Variants in SPTBN1 observed in about 807,000 individuals in gnomAD.
SPTBN1 encodes spectrin beta chain, non-erythrocytic 1.
A neutral mutation model predicts 266.4 loss-of-function variants in SPTBN1; 32 were observed. The ratio of observed to expected loss-of-function variants is 0.12; its 90% CI spans 0.09 to 0.16. SPTBN1 has a LOEUF of 0.16. Among genes scored for constraint, SPTBN1 ranks in the 10% least tolerant of loss-of-function variants. The pLI is 1.00. For missense variants in SPTBN1, 2,296 were observed against 3,067.1 expected, an observed-to-expected ratio of 0.75 and a Z score of 5.94; for synonymous variants, 1,336 against 1,162.2, an observed-to-expected ratio of 1.15 and a Z score of -3.04.
At chr2:54,634,640 C>T (rs1054003408) in intron 17 of SPTBN1, among the ~76,000 whole-genome samples, 6 of 152,172 alleles carry the variant, frequency 3.9e-5, no homozygotes, top group Admixed American at 2.6e-4. Flanking sequence ...CTGTGAGTTC[C>T]AGGTGCTGTA....
chr2:54,555,384 C>T (rs990039176), intron 2 of SPTBN1, among the ~76,000 whole-genome samples: 4 of 152,306 alleles, frequency 2.6e-5, no homozygotes, highest in African/African-American at 9.6e-5. Flanking sequence ...TCCCCTGCAC[C>T]CCTCTAGCCA....
At position 54,628,600 on chromosome 2, in the gene SPTBN1, G is replaced by A. The variant is rs1558444080; in HGVS notation, c.1799-333G>A. On this transcript the variant is annotated intron_variant, in intron 13 of 35. Coordinates refer to ENST00000356805, the MANE Select transcript of SPTBN1 (RefSeq NM_003128.3). The surrounding 1 kb of genome is among the most constrained non-coding windows in gnomAD (Gnocchi z 4.3). The stretch of plus-strand genomic sequence containing the variant: ...CTGGTTGCATATACCTCTCTTTGGA[G>A]GATGTTTAGAATGATTTGGTTATGC... 6.6e-6 allele frequency among the ~76,000 whole-genome samples: 1 copy of A among 152,190 alleles called. No homozygotes were observed. Among genetic ancestry groups the A allele is most frequent in the Non-Finnish European group, 1.5e-5 (1 of 68,036 alleles).
At chr2:54,575,739 G>C (rs1573449447) in intron 2 of SPTBN1, among the ~76,000 whole-genome samples, 1 of 152,232 alleles carries the variant, frequency 6.6e-6, no homozygotes, top group Non-Finnish European at 1.5e-5. Context: ...CAGTGACTCA[G>C]TGGCGTGAAG....
chr2:54,461,872 T>G (rs939427177), intron 1 of SPTBN1, among the ~76,000 whole-genome samples: 6 of 152,256 alleles, frequency 3.9e-5, no homozygotes, highest in African/African-American at 1.4e-4. Flanking sequence ...CTCGAATTTG[T>G]GATTTCTTTT....
At chr2:54,618,663 A>G (rs1281354392) in intron 7 of SPTBN1, among the ~76,000 whole-genome samples, 1 of 152,218 alleles carries the variant, frequency 6.6e-6, no homozygotes, top group Admixed American at 6.5e-5. Flanking sequence ...GTTGGCTGAC[A>G]TTTATCTGAA....
intron 2 of SPTBN1, among the ~76,000 whole-genome samples, chr2:54,536,130 G>A (rs965742442): frequency 3.8e-4 from 58 of 152,310 alleles, no homozygotes; most frequent in African/African-American, 1.1e-3. Flanking sequence ...GGTTCTATTT[G>A]TTGCCGTTAT....
intron 2 of SPTBN1, among the ~76,000 whole-genome samples, chr2:54,574,225 G>A (rs1264524254): frequency 6.6e-6 from 1 of 152,018 alleles, no homozygotes; most frequent in Non-Finnish European, 1.5e-5. Context: ...ATAGGGTCAG[G>A]CGTTATCTCT....
At chr2:54,562,533 C>CTTTTTTTTCTTTTTT (rs1673377142) in intron 2 of SPTBN1, among the ~76,000 whole-genome samples, 2 of 126,828 alleles carry the variant, frequency 1.6e-5, no homozygotes, top group African/African-American at 3.2e-5. Context: ...TTTTCTTTTT[C>CTTTTTTTTCTTTTTT]TTTTTTTTTT....
chr2:54,557,978 A>G (rs1672991096), intron 2 of SPTBN1: 1 of 982,786 alleles, frequency 1.0e-6, no homozygotes, highest in Non-Finnish European at 1.2e-6. Context: ...TTACCTCAGC[A>G]GACGCTAGAG....
Position 54,621,380 on chromosome 2 carries a change from G to C in SPTBN1, c.764-20G>C. The stretch of plus-strand genomic sequence containing the variant: ...ACAGTAGCATGCAACACACTGAACA[G>C]AGTCTTCTCTGGGTTACAGACATCA... On this transcript the variant is annotated intron_variant, in intron 7 of 35. Transcript: ENST00000356805. The C allele has an allele frequency of 6.3e-7, 1 of 1,598,410 alleles. No homozygotes were observed. The highest frequency in any genetic ancestry group is 8.6e-7 in the Non-Finnish European group (1 of 1,166,496).
chr2:54,456,994 G>T (rs1296202511), intron 1 of SPTBN1, among the ~76,000 whole-genome samples: 1 of 151,732 alleles, frequency 6.6e-6, no homozygotes, highest in Non-Finnish European at 1.5e-5. Context: ...CGCGGGTGGG[G>T]AGCGGGGGCG....
intron 18 of SPTBN1, among the ~76,000 whole-genome samples, chr2:54,640,507 T>C (rs1355579241): frequency 1.3e-5 from 2 of 152,208 alleles, no homozygotes; most frequent in Non-Finnish European, 2.9e-5. Context: ...TATTCCCAGT[T>C]ACAGTGGAAA....
At chr2:54,557,880 G>A in intron 2 of SPTBN1, 1 of 985,426 alleles carries the variant, frequency 1.0e-6, no homozygotes, top group Non-Finnish European at 1.2e-6. Flanking sequence ...GACTTTGTCT[G>A]ACTTCTTCCC....
intron 1 of SPTBN1, among the ~76,000 whole-genome samples, chr2:54,510,951 A>G (rs952416054): frequency 6.6e-6 from 1 of 152,232 alleles, no homozygotes; most frequent in African/African-American, 2.4e-5. Context: ...AGTTTGAATT[A>G]CAAGCCCATG....
Position 54,630,032 on chromosome 2 carries a change from G to A in SPTBN1, c.2807+3G>A. 1 of 1,613,094 alleles carries A rather than the reference G, an allele frequency of 6.2e-7. No homozygotes were observed. The highest frequency in any genetic ancestry group is 8.5e-7 in the Non-Finnish European group (1 of 1,179,568). On this transcript the variant is annotated splice_donor_region_variant and intron_variant, in intron 15 of 35. Transcript: ENST00000356805. ...CAGCAGGACAAACTCAACACAAGGT[G>A]AGCACGTGGCCAGCAGTGTGCCAGC...
chr2:54,545,620 C>G (rs964774841), intron 2 of SPTBN1: 4 of 152,070 alleles, frequency 2.6e-5, no homozygotes, highest in Admixed American at 1.3e-4. Context: ...ATGGCATATA[C>G]AAAAATGGAT....
intron 1 of SPTBN1, among the ~76,000 whole-genome samples, chr2:54,459,750 G>A (rs1209900320): frequency 3.9e-5 from 6 of 152,142 alleles, no homozygotes; most frequent in African/African-American, 1.4e-4. Flanking sequence ...AGAAGGAAGG[G>A]GCTAACTACC....
At chr2:54,457,334 C>T (rs1337238909) in intron 1 of SPTBN1, 1 of 152,422 alleles carries the variant, frequency 6.6e-6, no homozygotes, top group Non-Finnish European at 1.5e-5. Context: ...GTCATCACCC[C>T]CCACACCACG....
Position 54,492,340 on chromosome 2 carries a change from TG to T in SPTBN1, c.-47-34031del, listed in dbSNP as rs146366660. 9.2e-3 allele frequency among the ~76,000 whole-genome samples: 937 copies of T among 101,306 alleles called. 27 individuals are homozygous for T. The highest frequency in any genetic ancestry group is 0.021 in the East Asian group (58 of 2,790). The allele number at this position is 101,306 out of a possible 152,430, so 66.5% of individuals were successfully genotyped here. ...ACTGGACATTTAGTTTGTCTGCAGTTGTTTTTTTGTTTTTTTTTTTTTTTGC... is the reference window on the plus strand; with the variant it reads ...ACTGGACATTTAGTTTGTCTGCAGTTTTTTTTTGTTTTTTTTTTTTTTTGC... On this transcript the variant is annotated intron_variant, in intron 1 of 35. Transcript: ENST00000356805.
Sources: gnomAD v4.1 joint callset for allele counts (sites outside exome capture counted in the v4.1 genomes callset) on GRCh38, gnomAD v4.1.1 for gene constraint, Gnocchi (gnomAD v3.1) non-coding constraint, MANE v1.5 for transcripts, NCBI Gene and HGNC (gene_info 2026-07-23, HGNC 2026-07-21) for gene names.